SPOCK3: variants seen among roughly 807,000 people sequenced by gnomAD.
SPOCK3 encodes the protein testican-3.
Under a neutral mutation model 56.6 loss-of-function variants are expected in SPOCK3, and 30 were observed. The observed-to-expected ratio is 0.53, with a 90% CI of 0.40 to 0.72. The LOEUF (loss-of-function observed/expected upper bound fraction) is 0.72. Among genes scored for constraint, SPOCK3 ranks in the 30% least tolerant of loss-of-function variants. The pLI is 0.00. For missense variants in SPOCK3, 527 were observed against 530.0 expected (o/e 0.99, Z 0.06); for synonymous variants, 196 against 183.3 (o/e 1.07, Z -0.56).
At chr4:166,931,224 T>C (rs1018695543) in intron 4 of SPOCK3, among the ~76,000 whole-genome samples, 15 of 151,870 alleles carry the variant, frequency 9.9e-5, no homozygotes, top group South Asian at 2.1e-4. Flanking sequence ...TCAAGTGATC[T>C]GCCCACCTCG....
At chr4:167,199,595 T>A (rs1476136889) in intron 2 of SPOCK3, among the ~76,000 whole-genome samples, 1 of 151,756 alleles carries the variant, frequency 6.6e-6, no homozygotes, top group African/African-American at 2.4e-5. Flanking sequence ...TCTCGCCTTG[T>A]CCTCTCACAG....
chr4:167,186,146 A>G (rs1731935056), intron 2 of SPOCK3, among the ~76,000 whole-genome samples: 1 of 152,212 alleles, frequency 6.6e-6, no homozygotes, highest in African/African-American at 2.4e-5. Flanking sequence ...CAGAAAAACA[A>G]AATCAAATTC....
intron 4 of SPOCK3, among the ~76,000 whole-genome samples, chr4:166,954,731 T>G (rs1210832036): frequency 6.6e-6 from 1 of 152,182 alleles, no homozygotes; most frequent in Non-Finnish European, 1.5e-5. Context: ...TCAATGGTTT[T>G]AAATAAACTT....
chr4:167,043,091 A>G (rs1753375963), intron 3 of SPOCK3, among the ~76,000 whole-genome samples: 1 of 151,970 alleles, frequency 6.6e-6, no homozygotes, highest in Admixed American at 6.6e-5. Context: ...GACTTTTCAC[A>G]TTGGCTTCTC....
chr4:166,970,205 T>C (rs141471495), intron 4 of SPOCK3, among the ~76,000 whole-genome samples: 3 of 152,330 alleles, frequency 2.0e-5, no homozygotes, highest in Non-Finnish European at 4.4e-5. Flanking sequence ...TTCATTGACC[T>C]TTTCCATCTA....
intron 2 of SPOCK3, among the ~76,000 whole-genome samples, chr4:167,145,277 A>G (rs1400768023): frequency 6.6e-6 from 1 of 152,082 alleles, no homozygotes; most frequent in Non-Finnish European, 1.5e-5. Flanking sequence ...GGCAGGCAGG[A>G]AGACCAGTAT....
intron 4 of SPOCK3, among the ~76,000 whole-genome samples, chr4:166,913,362 A>T (rs963585268): frequency 2.0e-5 from 3 of 152,076 alleles, no homozygotes; most frequent in Admixed American, 2.0e-4. Context: ...TACACTTACG[A>T]TTGTTTGTTT....
chr4:167,036,770 G>A (rs1045239084), intron 3 of SPOCK3, among the ~76,000 whole-genome samples: 5 of 151,848 alleles, frequency 3.3e-5, no homozygotes, highest in African/African-American at 7.2e-5. Context: ...AAATAAATAC[G>A]ACTCTCTAGG....
In SPOCK3 at chr4:167,151,480, G is replaced by T. The variant is rs1278049675; in HGVS notation, c.189+82505C>A. Among the ~76,000 whole-genome samples the T allele has an allele frequency of 4.8e-5, 7 of 146,438 alleles. No homozygotes were observed. In the South Asian group the frequency reaches 1.5e-3, roughly 31 times the overall value. On this transcript the variant is annotated intron_variant, in intron 2 of 10. Transcript: ENST00000357545. ...GACGGAGTCTCGCTCTGTTGCCCAGGCTGGAGTGCAGTGGCATGATCTCGA... is the reference window on the plus strand; with the variant it reads ...GACGGAGTCTCGCTCTGTTGCCCAGTCTGGAGTGCAGTGGCATGATCTCGA...
chr4:166,976,521 T>C (rs1182815811), intron 4 of SPOCK3, among the ~76,000 whole-genome samples: 1 of 152,160 alleles, frequency 6.6e-6, no homozygotes, highest in Admixed American at 6.5e-5. Context: ...GATATTTGAA[T>C]TTGAACCTGG....
At position 166,856,800 on chromosome 4, in the gene SPOCK3, C is replaced by CTAGA. The variant is rs1553988934; in HGVS notation, c.589+32329_589+32330insTCTA. Reference sequence around the variant, plus strand: ...AAAAATTATCTATCTATCTATCTATCTATCTATCTAGATATCTAGATATCT... The same window carrying CTAGA: ...AAAAATTATCTATCTATCTATCTATCTAGATATCTATCTAGATATCTAGATATCT... On this transcript the variant is annotated intron_variant, in intron 6 of 10. Transcript: ENST00000357545. 7.3e-5 allele frequency among the ~76,000 whole-genome samples: 11 copies of CTAGA among 151,512 alleles called. No individual in the cohort carries two copies. The South Asian group carries it at 8.3e-4, about 11-fold the overall frequency.
At chr4:167,192,013 G>T (rs1447187370) in intron 2 of SPOCK3, among the ~76,000 whole-genome samples, 1 of 145,222 alleles carries the variant, frequency 6.9e-6, no homozygotes, top group Non-Finnish European at 1.5e-5. Context: ...TTTCCAAATA[G>T]TCTTTCTCCA....
chr4:166,784,122 CA>C (rs1181460454), intron 7 of SPOCK3, among the ~76,000 whole-genome samples: 1 of 151,948 alleles, frequency 6.6e-6, no homozygotes, highest in Non-Finnish European at 1.5e-5. Context: ...TTCATTCACC[CA>C]GTGAGAAATG....
intron 2 of SPOCK3, among the ~76,000 whole-genome samples, chr4:167,162,540 A>C (rs762919639): frequency 4.6e-5 from 7 of 152,104 alleles, no homozygotes; most frequent in Admixed American, 4.6e-4. Context: ...GCTGTGTTAG[A>C]CAGCACAGAA....
intron 6 of SPOCK3, among the ~76,000 whole-genome samples, chr4:166,839,642 G>C (rs1225568531): frequency 6.6e-6 from 1 of 152,098 alleles, no homozygotes; most frequent in Non-Finnish European, 1.5e-5. Flanking sequence ...CTCTTAAAAT[G>C]GCACAGGTCA....
chr4:166,981,438 G>C (rs1395104934), intron 4 of SPOCK3, among the ~76,000 whole-genome samples: 1 of 152,070 alleles, frequency 6.6e-6, no homozygotes, highest in Non-Finnish European at 1.5e-5. Flanking sequence ...GGAGTGGGTA[G>C]CTCCTTTCTG....
At chr4:166,844,590 C>G (rs577022684) in intron 6 of SPOCK3, among the ~76,000 whole-genome samples, 1 of 152,314 alleles carries the variant, frequency 6.6e-6, no homozygotes, top group Admixed American at 6.5e-5. Context: ...TGGACTCAAA[C>G]TGCAACACTT....
intron 6 of SPOCK3, among the ~76,000 whole-genome samples, chr4:166,810,735 T>C (rs1743682037): frequency 6.6e-6 from 1 of 152,020 alleles, no homozygotes. Context: ...TTTATAACTA[T>C]GGTTATGGAT....
chr4:167,066,948 T>C (rs757917357), intron 2 of SPOCK3, among the ~76,000 whole-genome samples: 5 of 151,776 alleles, frequency 3.3e-5, no homozygotes, highest in Non-Finnish European at 7.4e-5. Context: ...AGGTCAACTG[T>C]TTGGTTCATT....
Sources: gnomAD v4.1 joint callset for allele counts (sites outside exome capture counted in the v4.1 genomes callset) on GRCh38, gnomAD v4.1.1 for gene constraint, MANE v1.5 for transcripts, NCBI Gene and HGNC (gene_info 2026-07-23, HGNC 2026-07-21) for gene names.